The following VWC2L variants were observed in gnomAD, a reference collection of about 807,000 sequenced individuals.
The protein encoded by VWC2L is von Willebrand factor C domain-containing protein 2-like.
VWC2L carries 10 observed loss-of-function variants against 21.6 expected under a neutral mutation model. The observed-to-expected ratio is 0.46, with a 90% CI of 0.29 to 0.78. The LOEUF (loss-of-function observed/expected upper bound fraction) is 0.78, where lower values mean the gene tolerates loss of function less well. VWC2L is among the 30% of genes least tolerant of loss of function. The pLI, the probability that VWC2L is intolerant of heterozygous loss-of-function variation, is 0.10. For missense variants in VWC2L, 209 were observed against 277.1 expected (o/e 0.75, Z 1.74); for synonymous variants, 96 against 94.3 (o/e 1.02, Z -0.10).
At chr2:214,471,242 T>C (rs1205250515) in intron 3 of VWC2L, among the ~76,000 whole-genome samples, 2 of 152,158 alleles carry the variant, frequency 1.3e-5, no homozygotes, top group Non-Finnish European at 1.5e-5. Context: ...CTGCTAGAGA[T>C]TGCAGACCCC....
intron 3 of VWC2L, among the ~76,000 whole-genome samples, chr2:214,524,932 CT>C (rs5838441): frequency 5.4e-4 from 78 of 144,904 alleles, no homozygotes; most frequent in African/African-American, 1.1e-3. Flanking sequence ...CTTTGGCTGG[CT>C]TTTTTTTTTT....
At chr2:214,566,563 C>A (rs1000109898) in intron 3 of VWC2L, among the ~76,000 whole-genome samples, 3 of 152,118 alleles carry the variant, frequency 2.0e-5, no homozygotes, top group Admixed American at 6.6e-5. Flanking sequence ...CTGCATCTTG[C>A]CACCTTAATC....
rs1159301914 is a variant in VWC2L at position 214,411,287 on chromosome 2, G to C, written c.-580G>C. 6.6e-6 allele frequency: 1 copy of C among 152,204 alleles called. No individual in the cohort carries two copies. Among genetic ancestry groups the C allele is most frequent in the African/African-American group, 2.4e-5 (1 of 41,438 alleles). 9.4% of individuals were successfully genotyped at this position (152,204 alleles called of 1,614,324 possible). A position where few individuals can be genotyped will look rare whatever the true frequency, so the allele number is the denominator to read the frequency against. ...GGGATTCAAGCAACACACTGTGGAC[G>C]ATGGTGATGGTATTGCCAGCGGAGT... On this transcript the variant is annotated 5_prime_UTR_variant, in exon 1 of 4. Coordinates refer to ENST00000312504, the MANE Select transcript of VWC2L (RefSeq NM_001080500.4).
intron 3 of VWC2L, among the ~76,000 whole-genome samples, chr2:214,497,802 AAATATTCTGC>A (rs1216625149): frequency 6.6e-6 from 1 of 152,226 alleles, no homozygotes; most frequent in East Asian, 1.9e-4. Context: ...CTTCTTCCCC[AAATATTCTGC>A]AGTTTGAGAA....
chr2:214,546,606 C>G (rs1284670379), intron 3 of VWC2L, among the ~76,000 whole-genome samples: 1 of 152,096 alleles, frequency 6.6e-6, no homozygotes, highest in African/African-American at 2.4e-5. Context: ...TTAACAATGA[C>G]AGAAAACACA....
intron 3 of VWC2L, among the ~76,000 whole-genome samples, chr2:214,506,211 T>A (rs1461727772): frequency 6.6e-6 from 1 of 152,172 alleles, no homozygotes; most frequent in African/African-American, 2.4e-5. Context: ...GACTTTTATT[T>A]GGGCAAAAAA....
chr2:214,510,718 C>T (rs1282909124), intron 3 of VWC2L, among the ~76,000 whole-genome samples: 1 of 152,164 alleles, frequency 6.6e-6, no homozygotes, highest in Admixed American at 6.5e-5. Context: ...AAAATATACA[C>T]ACAGAGTGTA....
chr2:214,555,842 G>T (rs1391838527), intron 3 of VWC2L, among the ~76,000 whole-genome samples: 1 of 151,974 alleles, frequency 6.6e-6, no homozygotes, highest in Non-Finnish European at 1.5e-5. Flanking sequence ...AAGCTCTATG[G>T]GCTCTTCAGT....
chr2:214,561,809 T>TATATATATATATATATATATATAC lies in VWC2L; in HGVS notation c.521-13862_521-13861insTATATATATATATATATATATACA, dbSNP rs1489588765. On this transcript the variant is annotated intron_variant, in intron 3 of 3. Transcript: ENST00000312504. ...TTATATATATATATATATATATATA[T>TATATATATATATATATATATATAC]ACACACACATATATAATTTTATATA... 9.0e-3 allele frequency among the ~76,000 whole-genome samples: 1,133 copies of TATATATATATATATATATATATAC among 125,694 alleles called. 23 individuals are homozygous for TATATATATATATATATATATATAC. Among genetic ancestry groups the TATATATATATATATATATATATAC allele is most frequent in the African/African-American group, 0.013 (352 of 27,872 alleles). 82.5% of individuals were successfully genotyped at this position (125,694 alleles called of 152,430 possible).
At chr2:214,433,792 A>G (rs1411611215) in intron 2 of VWC2L, among the ~76,000 whole-genome samples, 3 of 152,132 alleles carry the variant, frequency 2.0e-5, no homozygotes, top group Non-Finnish European at 2.9e-5. Flanking sequence ...GCAAGAGGAC[A>G]ACAATAGTGC....
intron 3 of VWC2L, among the ~76,000 whole-genome samples, chr2:214,460,108 G>C (rs1329462492): frequency 6.6e-6 from 1 of 151,600 alleles, no homozygotes; most frequent in East Asian, 1.9e-4. Context: ...GGGTTTCACC[G>C]TGTTGGCCAG....
chr2:214,540,515 G>A lies in VWC2L; in HGVS notation c.521-35157G>A, dbSNP rs1022191649. On this transcript the variant is annotated intron_variant, in intron 3 of 3. Coordinates refer to ENST00000312504, the MANE Select transcript of VWC2L (RefSeq NM_001080500.4). ...GATGTGGTTTCTCCTTGCATACAGC[G>A]GTTATATACCAAGGAGTTGATATCT... Among the ~76,000 whole-genome samples, 8 of 152,084 alleles carry A rather than the reference G, an allele frequency of 5.3e-5. No individual in the cohort carries two copies. In the East Asian group the frequency reaches 5.8e-4, roughly 11 times the overall value.
At chr2:214,484,523 C>G (rs937369477) in intron 3 of VWC2L, among the ~76,000 whole-genome samples, 3 of 152,142 alleles carry the variant, frequency 2.0e-5, no homozygotes, top group African/African-American at 7.2e-5. Context: ...ATGGCATACA[C>G]TTACCACCCA....
chr2:214,536,804 C>T (rs542164486), intron 3 of VWC2L: 12 of 152,000 alleles, frequency 7.9e-5, no homozygotes, highest in Non-Finnish European at 1.6e-4. Flanking sequence ...GATGATCTCA[C>T]TTCATCTTTA....
At chr2:214,521,164 G>A (rs1442516279) in intron 3 of VWC2L, among the ~76,000 whole-genome samples, 1 of 151,906 alleles carries the variant, frequency 6.6e-6, no homozygotes, top group Non-Finnish European at 1.5e-5. Flanking sequence ...GGCGAAGCTT[G>A]CAGTGAGTGG....
At chr2:214,573,075 G>T (rs1324524712) in intron 3 of VWC2L, among the ~76,000 whole-genome samples, 2 of 152,118 alleles carry the variant, frequency 1.3e-5, no homozygotes, top group East Asian at 3.9e-4. Context: ...ATGCAGAAAG[G>T]GGTGGATATG....
rs536544758 is a variant in VWC2L at position 214,454,476 on chromosome 2, G to GT, written c.520+17729dup. 1.7e-3 allele frequency among the ~76,000 whole-genome samples: 240 copies of GT among 138,176 alleles called. 1 individual carries two copies. The highest frequency in any genetic ancestry group is 4.3e-3 in the Middle Eastern group (1 of 232). The allele number at this position is 138,176 out of a possible 152,430, so 90.6% of individuals were successfully genotyped here. A position where few individuals can be genotyped will look rare whatever the true frequency, so the allele number is the denominator to read the frequency against. On this transcript the variant is annotated intron_variant, in intron 3 of 3. Transcript: ENST00000312504. ...AGTACTTTAGTAAGATTTTGTGTGG[G>GT]TTTTTTTTTTTACTCAGGAATTGAT...
chr2:214,425,057 A>C (rs1486523975), intron 2 of VWC2L, among the ~76,000 whole-genome samples: 1 of 152,240 alleles, frequency 6.6e-6, no homozygotes, highest in Non-Finnish European at 1.5e-5. Flanking sequence ...AGCCATGCTC[A>C]TTCACTTACA....
chr2:214,477,108 G>A (rs1283519617), intron 3 of VWC2L, among the ~76,000 whole-genome samples: 3 of 152,232 alleles, frequency 2.0e-5, no homozygotes, highest in Non-Finnish European at 4.4e-5. Context: ...CCTCCAGCTA[G>A]TACTAGCTCT....
Sources: gnomAD v4.1 joint callset for allele counts (sites outside exome capture counted in the v4.1 genomes callset) on GRCh38, gnomAD v4.1.1 for gene constraint, MANE v1.5 for transcripts, NCBI Gene and HGNC (gene_info 2026-07-23, HGNC 2026-07-21) for gene names.